SEPTIN9: variants seen among roughly 807,000 people sequenced by gnomAD.
The protein encoded by SEPTIN9 is septin 9.
A neutral mutation model predicts 56.6 loss-of-function variants in SEPTIN9; 13 were observed. That is an observed-to-expected ratio of 0.23 (90% CI 0.15 to 0.37). The LOEUF is 0.37. SEPTIN9 is among the 10% of genes least tolerant of loss of function. The probability of loss-of-function intolerance (pLI) is 1.00; values close to 1 mark genes in which losing one functional copy is unlikely to be tolerated. For synonymous variants in SEPTIN9, 332 were observed against 334.1 expected (o/e 0.99, Z 0.07); for missense variants, 650 against 823.1 (o/e 0.79, Z 2.57).
chr17:77,327,878 G>A lies in SEPTIN9; in HGVS notation c.76+20681G>A, dbSNP rs2033203419. On this transcript the variant is annotated intron_variant, in intron 2 of 11. Transcript: ENST00000427177. The surrounding 1 kb of genome is among the most constrained non-coding windows in gnomAD (Gnocchi z 5.0). ...TTGGACCGATTTGCTGGAACAGACG[G>A]GTGTGATGGGGCTGCGGGGTTTCAG... 6.6e-6 allele frequency among the ~76,000 whole-genome samples: 1 copy of A among 152,224 alleles called. No individual in the cohort carries two copies. Among genetic ancestry groups the A allele is most frequent in the Non-Finnish European group, 1.5e-5 (1 of 68,036 alleles).
chr17:77,308,947 G>T (rs1386142168), intron 2 of SEPTIN9, among the ~76,000 whole-genome samples: 2 of 152,264 alleles, frequency 1.3e-5, no homozygotes, highest in Non-Finnish European at 2.9e-5. Context: ...AGGCCCCTGG[G>T]CAGCTGCATG....
In SEPTIN9 at chr17:77,355,203, GC is replaced by G. The variant is rs542125237; in HGVS notation, c.77-46853del. 1.2e-3 allele frequency among the ~76,000 whole-genome samples: 190 copies of G among 152,234 alleles called. 4 individuals carry two copies. In the South Asian group the frequency reaches 0.038, roughly 30 times the overall value. Reference sequence around the variant, plus strand: ...CTGATCCTCCTGTTTTCATTCCGTGGCCCAGCATCTCCCTTTGGGGTGTGTG... The same window carrying G: ...CTGATCCTCCTGTTTTCATTCCGTGGCCAGCATCTCCCTTTGGGGTGTGTG... On this transcript the variant is annotated intron_variant, in intron 2 of 11. Transcript: ENST00000427177.
At position 77,319,960 on chromosome 17, in the gene SEPTIN9, CG is replaced by C. The variant is rs2032846642; in HGVS notation, c.76+12766del. 1 of 1,177,584 alleles carries C rather than the reference CG, an allele frequency of 8.5e-7. No homozygotes were observed. The highest frequency in any genetic ancestry group is 1.6e-5 in the African/African-American group (1 of 64,036). The allele number at this position is 1,177,584 out of a possible 1,614,324, so 72.9% of individuals were successfully genotyped here. A position where few individuals can be genotyped will look rare whatever the true frequency, so the allele number is the denominator to read the frequency against. The stretch of plus-strand genomic sequence containing the variant: ...GCAGCCACCGACCAGACCGGGCGGC[CG>C]GGACTCTGGGACTCTCGCAGGCAGA... On this transcript the variant is annotated intron_variant, in intron 2 of 11. Transcript: ENST00000427177. The surrounding 1 kb of genome is among the most constrained non-coding windows in gnomAD (Gnocchi z 5.3).
chr17:77,464,662 G>A (rs996061563), intron 3 of SEPTIN9, among the ~76,000 whole-genome samples: 62 of 150,838 alleles, frequency 4.1e-4, no homozygotes, highest in African/African-American at 1.4e-3. Context: ...GTGCAGTGGC[G>A]CGATCTTGGC....
chr17:77,291,597 A>C (rs972749011), intron 1 of SEPTIN9, among the ~76,000 whole-genome samples: 5 of 152,008 alleles, frequency 3.3e-5, no homozygotes, highest in African/African-American at 1.2e-4. Context: ...GTGCCACGGC[A>C]CTCCAGCCTG....
chr17:77,353,869 G>A (rs968959330), intron 2 of SEPTIN9, among the ~76,000 whole-genome samples: 26 of 152,188 alleles, frequency 1.7e-4, no homozygotes, highest in African/African-American at 5.8e-4. Context: ...AAGTCCATGA[G>A]AATGCACACA....
At chr17:77,401,274 G>A (rs1436730552) in intron 2 of SEPTIN9, among the ~76,000 whole-genome samples, 1 of 152,190 alleles carries the variant, frequency 6.6e-6, no homozygotes, top group Non-Finnish European at 1.5e-5. Flanking sequence ...TCCAGTGTCC[G>A]CCCTTAGTGT....
intron 2 of SEPTIN9, among the ~76,000 whole-genome samples, chr17:77,324,490 C>G (rs2033058945): frequency 6.6e-6 from 1 of 152,136 alleles, no homozygotes; most frequent in Non-Finnish European, 1.5e-5. Context: ...ATTCTGGGGA[C>G]AGCATGGAGC....
At position 77,313,208 on chromosome 17, in the gene SEPTIN9, G is replaced by C. The variant is rs2032573189; in HGVS notation, c.76+6011G>C. ...CCCAGACCTCCCTCGCTCTGCAGGG[G>C]CAGTCGGGGGCCCCCTCTAGGAATG... On this transcript the variant is annotated intron_variant, in intron 2 of 11. Transcript: ENST00000427177. The surrounding 1 kb of genome is among the most constrained non-coding windows in gnomAD (Gnocchi z 4.5). Among the ~76,000 whole-genome samples the C allele has an allele frequency of 6.6e-6, 1 of 152,246 alleles. No individual in the cohort carries two copies. The highest frequency in any genetic ancestry group is 2.1e-4 in the South Asian group (1 of 4,828).
At position 77,405,012 on chromosome 17, in the gene SEPTIN9, G is replaced by A; in HGVS notation, c.721+2309G>A. ...CGTGCCGGATACACCCCCATCCTGG[G>A]TTGATGTGTTCACACTCAGCTGAGT... On this transcript the variant is annotated intron_variant, in intron 3 of 11. Coordinates refer to ENST00000427177, the MANE Select transcript of SEPTIN9 (RefSeq NM_001113491.2). This position sits in a 1 kb window ranked among gnomAD's most constrained non-coding sequence, Gnocchi z 5.8. 2.1e-6 allele frequency: 3 copies of A among 1,429,578 alleles called. No individual in the cohort carries two copies. Among genetic ancestry groups the A allele is most frequent in the Non-Finnish European group, 2.8e-6 (3 of 1,057,760 alleles). The allele number at this position is 1,429,578 out of a possible 1,614,324, so 88.6% of individuals were successfully genotyped here.
intron 2 of SEPTIN9, among the ~76,000 whole-genome samples, chr17:77,315,594 C>T (rs1324088050): frequency 6.6e-6 from 1 of 152,192 alleles, no homozygotes; most frequent in African/African-American, 2.4e-5. Context: ...CCACGACCAC[C>T]TAACTTCTTT....
rs1164737195 is a variant in SEPTIN9 at position 77,487,074 on chromosome 17, G to A, written c.914-350G>A. Among the ~76,000 whole-genome samples, 3 of 152,150 alleles carry A rather than the reference G, an allele frequency of 2.0e-5. No individual in the cohort carries two copies. The highest frequency in any genetic ancestry group is 1.3e-4 in the Admixed American group (2 of 15,278). Reference sequence around the variant, plus strand: ...CAGCCCTGGGCTCCTCCGCCAGCCCGGCCTCTGTCCTGTCCAAAATCTGAG... The same window carrying A: ...CAGCCCTGGGCTCCTCCGCCAGCCCAGCCTCTGTCCTGTCCAAAATCTGAG... On this transcript the variant is annotated intron_variant, in intron 4 of 11. Transcript: ENST00000427177. The surrounding 1 kb of genome is among the most constrained non-coding windows in gnomAD (Gnocchi z 4.3).
chr17:77,474,772 G>C (rs1411352084), intron 3 of SEPTIN9, among the ~76,000 whole-genome samples: 2 of 152,186 alleles, frequency 1.3e-5, no homozygotes, highest in East Asian at 1.9e-4. Context: ...AAGCCCTCTC[G>C]GTCTCGGTTT....
In SEPTIN9 at chr17:77,426,002, G is replaced by C. The variant is rs1598354824; in HGVS notation, c.721+23299G>C. Among the ~76,000 whole-genome samples the C allele has an allele frequency of 3.3e-5, 5 of 152,260 alleles. No homozygotes were observed. In the South Asian group the frequency reaches 1.0e-3, roughly 32 times the overall value. On this transcript the variant is annotated intron_variant, in intron 3 of 11. Coordinates refer to ENST00000427177, the MANE Select transcript of SEPTIN9 (RefSeq NM_001113491.2). Reference sequence around the variant, plus strand: ...GCCCTCAGACTGGAGGATAGGATCGGAACAGTGGGTCAGGATGGCCAGAGG... The same window carrying C: ...GCCCTCAGACTGGAGGATAGGATCGCAACAGTGGGTCAGGATGGCCAGAGG...
intron 2 of SEPTIN9, among the ~76,000 whole-genome samples, chr17:77,345,259 A>G (rs2033855777): frequency 6.6e-6 from 1 of 152,186 alleles, no homozygotes; most frequent in South Asian, 2.1e-4. Context: ...AACAGTGTGA[A>G]TGTGCTTCAT....
chr17:77,364,435 C>T (rs369022295), intron 2 of SEPTIN9, among the ~76,000 whole-genome samples: 1 of 152,272 alleles, frequency 6.6e-6, no homozygotes, highest in African/African-American at 2.4e-5. Context: ...GCGTCCCACT[C>T]CTGGGGAACC....
intron 3 of SEPTIN9, among the ~76,000 whole-genome samples, chr17:77,474,690 C>G (rs534139039): frequency 4.6e-5 from 7 of 152,332 alleles, no homozygotes; most frequent in African/African-American, 1.7e-4. Flanking sequence ...GGTCAGCAGC[C>G]TGGGGCTCAC....
In SEPTIN9 at chr17:77,365,360, C is replaced by T. The variant is rs182968584; in HGVS notation, c.77-36699C>T. ...CCCTCTCTTCCTTCCCTTCCGTTCCCTTCCTTTTTCTTTCCTTCCTGTCTT... is the reference window on the plus strand; with the variant it reads ...CCCTCTCTTCCTTCCCTTCCGTTCCTTTCCTTTTTCTTTCCTTCCTGTCTT... On this transcript the variant is annotated intron_variant, in intron 2 of 11. Transcript: ENST00000427177. Among the ~76,000 whole-genome samples, 294 of 152,122 alleles carry T rather than the reference C, an allele frequency of 1.9e-3. 2 individuals are homozygous for T. Among genetic ancestry groups the T allele is most frequent in the African/African-American group, 6.7e-3 (278 of 41,478 alleles).
intron 3 of SEPTIN9, among the ~76,000 whole-genome samples, chr17:77,440,753 C>T (rs1249514019): frequency 1.3e-5 from 2 of 152,256 alleles, no homozygotes; most frequent in African/African-American, 2.4e-5. Context: ...ACTCTCCTCG[C>T]TGAGCCCTTT....
Sources: gnomAD v4.1 joint callset for allele counts (sites outside exome capture counted in the v4.1 genomes callset) on GRCh38, gnomAD v4.1.1 for gene constraint, Gnocchi (gnomAD v3.1) non-coding constraint, MANE v1.5 for transcripts, NCBI Gene and HGNC (gene_info 2026-07-23, HGNC 2026-07-21) for gene names.